RINT1: variants seen among roughly 807,000 people sequenced by gnomAD.
RINT1 encodes RAD50 interactor 1.
A neutral mutation model predicts 97.7 loss-of-function variants in RINT1; 75 were observed. That is an observed-to-expected ratio of 0.77 (90% CI 0.64 to 0.93). RINT1 has a LOEUF of 0.93. RINT1 is among the 40% of genes least tolerant of loss of function. The pLI, the probability that RINT1 is intolerant of heterozygous loss-of-function variation, is 0.00. For synonymous variants in RINT1, 303 were observed against 326.3 expected (o/e 0.93, Z 0.77); for missense variants, 892 against 925.2 (o/e 0.96, Z 0.47).
intron 4 of RINT1, among the ~76,000 whole-genome samples, chr7:105,544,140 T>C (rs1232963305): frequency 6.6e-6 from 1 of 151,984 alleles, no homozygotes; most frequent in Non-Finnish European, 1.5e-5. Context: ...TTGTTTTGCA[T>C]GTATGAGGAG....
At chr7:105,557,639 G>C (rs987725711) in intron 11 of RINT1, among the ~76,000 whole-genome samples, 1 of 151,938 alleles carries the variant, frequency 6.6e-6, no homozygotes, top group African/African-American at 2.4e-5. Flanking sequence ...GTTATATGTA[G>C]AACAAAAATT....
At chr7:105,542,705 TAGAG>T in intron 4 of RINT1, 56 bp downstream of exon 4, 9 of 1,569,174 alleles carry the variant, frequency 5.7e-6, no homozygotes, top group South Asian at 1.2e-5. Flanking sequence ...GCTTCTGTCT[TAGAG>T]AGTACATGTG....
At position 105,532,622 on chromosome 7, in the gene RINT1, G is replaced by GAC. The variant is rs1384294296; in HGVS notation, c.43-195_43-194dup. ...AGGTAACTCCAGGTCCTGCGGAGGT[G>GAC]ACACACACCTCCTGGGAAGGTGGCG... On this transcript the variant is annotated intron_variant, in intron 1 of 14. Coordinates refer to ENST00000257700, the MANE Select transcript of RINT1 (RefSeq NM_021930.6). 2.0e-5 allele frequency among the ~76,000 whole-genome samples: 3 copies of GAC among 149,514 alleles called. No homozygotes were observed. In the South Asian group the frequency reaches 6.7e-4, roughly 33 times the overall value.
chr7:105,533,782 C>T (rs1462877886), intron 2 of RINT1, among the ~76,000 whole-genome samples: 2 of 152,186 alleles, frequency 1.3e-5, no homozygotes, highest in Non-Finnish European at 2.9e-5. Flanking sequence ...CTCAGTTAAA[C>T]CCTTCCCTTT....
chr7:105,558,189 G>A (rs559665905), intron 11 of RINT1, among the ~76,000 whole-genome samples: 3 of 151,756 alleles, frequency 2.0e-5, no homozygotes, highest in South Asian at 4.2e-4. Flanking sequence ...CAGCTACTCA[G>A]GAGGCTGAGG....
intron 10 of RINT1, among the ~76,000 whole-genome samples, chr7:105,552,538 G>A (rs986989557): frequency 2.0e-5 from 3 of 152,014 alleles, no homozygotes; most frequent in Admixed American, 2.0e-4. Flanking sequence ...TGTTGTCCAG[G>A]TGCCACTGGA....
chr7:105,542,423 T>G lies in RINT1; in HGVS notation c.289T>G (p.Ser97Ala), dbSNP rs2133373069. Reference protein sequence around the residue: ...QLEEQVLTISSEIPKRIRSAL... With the variant: ...QLEEQVLTISAEIPKRIRSAL... The stretch of plus-strand genomic sequence containing the variant: ...TTATGGTCAGGTACTTACAATTTCA[T>G]CAGAAATTCCTAAAAGAATTCGAAG... Residue 97 changes from serine (S) to alanine (A), a missense_variant, in exon 4 of 15, where the codon TCA becomes GCA. Transcript: ENST00000257700. 1 of 1,603,974 alleles carries G rather than the reference T, an allele frequency of 6.2e-7. No homozygotes were observed. The highest frequency in any genetic ancestry group is 8.5e-7 in the Non-Finnish European group (1 of 1,171,360).
chr7:105,553,503 G>A (rs1362067415), intron 10 of RINT1, among the ~76,000 whole-genome samples: 3 of 150,752 alleles, frequency 2.0e-5, no homozygotes, highest in Non-Finnish European at 3.0e-5. Context: ...GGCAGGTCAC[G>A]AGGTCAGGAG....
At chr7:105,535,680 C>T (rs898951586) in intron 2 of RINT1, 1 of 423,444 alleles carries the variant, frequency 2.4e-6, no homozygotes, top group East Asian at 7.3e-5. Context: ...CTCAGCCCAC[C>T]TGAGACTACA....
At chr7:105,547,396 G>A (rs1240233094) in intron 6 of RINT1, 63 bp downstream of exon 6, 1 of 1,554,114 alleles carries the variant, frequency 6.4e-7, no homozygotes, top group East Asian at 2.2e-5. Flanking sequence ...TTTGTGGCTA[G>A]AGAGTAAAAC....
At chr7:105,534,818 A>G (rs1159850997) in intron 2 of RINT1, among the ~76,000 whole-genome samples, 2 of 152,142 alleles carry the variant, frequency 1.3e-5, no homozygotes. Context: ...TGATTCTCAC[A>G]GCATGTGAAA....
rs756715333 is a variant in RINT1, at chr7:105,550,313, A to C, written c.1160A>C (p.Asp387Ala). Residue 387 changes from aspartate (D) to alanine (A), a missense_variant, in exon 9 of 15, where the codon GAT becomes GCT. Physicochemically the swap from Asp to Ala is moderately radical, Grantham distance 126. Coordinates refer to ENST00000257700, the MANE Select transcript of RINT1 (RefSeq NM_021930.6). Reference sequence around the variant, plus strand: ...CTGGTTCTTGAGAAGTTAGCCACTGATATTCCTTGTCTGCTATATGATGAC... The same window carrying C: ...CTGGTTCTTGAGAAGTTAGCCACTGCTATTCCTTGTCTGCTATATGATGAC... ...MMLVLEKLATDIPCLLYDDNL... is the reference protein window; with the variant it reads ...MMLVLEKLATAIPCLLYDDNL... The C allele has an allele frequency of 6.2e-7, 1 of 1,614,048 alleles. No individual in the cohort carries two copies. Among genetic ancestry groups the C allele is most frequent in the Non-Finnish European group, 8.5e-7 (1 of 1,180,004 alleles).
intron 8 of RINT1, 39 bp from the exon 9 acceptor site, chr7:105,550,221 AC>A (rs777039053): frequency 6.2e-7 from 1 of 1,607,132 alleles, no homozygotes; most frequent in South Asian, 1.1e-5. Context: ...TGCATGGATA[AC>A]TTTTTATTTA....
At chr7:105,551,855 C>T in intron 10 of RINT1, 148 bp downstream of exon 10, 1 of 545,706 alleles carries the variant, frequency 1.8e-6, no homozygotes, top group South Asian at 3.4e-5. Context: ...TGCTTGAGCC[C>T]AGGAGTTCGA....
At chr7:105,552,666 C>CTTTTTTTTTTTTTTTTTT (rs386410906) in intron 10 of RINT1, among the ~76,000 whole-genome samples, 1 of 79,996 alleles carries the variant, frequency 1.3e-5, no homozygotes, top group Non-Finnish European at 2.3e-5. Context: ...TAAATAATTC[C>CTTTTTTTTTTTTTTTTTT]TTTTTTTTTT....
chr7:105,550,987 TC>T (rs1021170825), intron 9 of RINT1, among the ~76,000 whole-genome samples: 80 of 152,304 alleles, frequency 5.3e-4, no homozygotes, highest in African/African-American at 1.9e-3. Flanking sequence ...ACTCCTGACT[TC>T]AAGTAATCCA....
rs562504679 is a variant in RINT1 at position 105,537,908 on chromosome 7, T to C, written c.273+1159T>C. Among the ~76,000 whole-genome samples the C allele has an allele frequency of 3.9e-5, 6 of 152,262 alleles. No homozygotes were observed. In the South Asian group the frequency reaches 1.2e-3, roughly 32 times the overall value. ...ATGAACATATCACTTAAAATAATTT[T>C]TTAAAAACCCAATGAGTATAAGCTT... On this transcript the variant is annotated intron_variant, in intron 3 of 14. Transcript: ENST00000257700.
chr7:105,554,519 A>C (rs976799520), intron 10 of RINT1, among the ~76,000 whole-genome samples: 3 of 149,734 alleles, frequency 2.0e-5, no homozygotes, highest in African/African-American at 7.4e-5. Context: ...GCTCACTGCA[A>C]CCTCCACCTC....
chr7:105,550,415 C>G lies in RINT1; in HGVS notation c.1262C>G (p.Thr421Ser), dbSNP rs570663343. Reference protein sequence around the residue: ...ELHSVHGYPGTFASCMHILSE... With the variant: ...ELHSVHGYPGSFASCMHILSE... Reference sequence around the variant, plus strand: ...CACAGTGTTCATGGCTATCCTGGCACTTTTGCTAGTTGTATGCATATTCTA... The same window carrying G: ...CACAGTGTTCATGGCTATCCTGGCAGTTTTGCTAGTTGTATGCATATTCTA... Residue 421 changes from threonine (T) to serine (S), a missense_variant, in exon 9 of 15, where the codon ACT becomes AGT. By Grantham distance (58) the Thr-to-Ser change is moderately conservative. Transcript: ENST00000257700. The G allele has an allele frequency of 2.2e-5, 35 of 1,613,956 alleles. No individual in the cohort carries two copies. The highest frequency in any genetic ancestry group is 3.3e-5 in the Admixed American group (2 of 59,986).
Sources: allele counts gnomAD v4.1 joint callset (sites outside exome capture counted in the v4.1 genomes callset), GRCh38; gene constraint gnomAD v4.1.1; transcripts MANE v1.5; gene names NCBI Gene and HGNC (gene_info 2026-07-23, HGNC 2026-07-21).